Variants in KYNU observed in about 807,000 individuals in gnomAD.
The protein encoded by KYNU is kynureninase.
In KYNU, 54 loss-of-function variants were observed where a neutral mutation model predicts 59.2. The ratio of observed to expected loss-of-function variants is 0.91; its 90% CI spans 0.73 to 1.14. KYNU has a LOEUF of 1.14. Among genes scored for constraint, KYNU ranks in the 50% most tolerant of loss-of-function variants. The pLI is 0.00. For missense variants in KYNU, 567 were observed against 554.4 expected, an observed-to-expected ratio of 1.02 and a Z score of -0.23; for synonymous variants, 177 against 192.0, an observed-to-expected ratio of 0.92 and a Z score of 0.65.
intron 10 of KYNU, among the ~76,000 whole-genome samples, chr2:143,010,757 G>A (rs373807917): frequency 0.071 from 9,774 of 136,856 alleles, 320 homozygotes; most frequent in East Asian, 0.13. Flanking sequence ...AAATAATGCC[G>A]CATACCTACA....
In KYNU at chr2:143,054,897, G is replaced by T. The variant is rs1432219992; in HGVS notation, c.*12725G>T. The stretch of plus-strand genomic sequence containing the variant: ...GACTTGGTTGGGATCTTCATTCAAA[G>T]ACCAACTATAAAAAGACATTGTTGT... On this transcript the variant is annotated 3_prime_UTR_variant, in exon 14 of 14. Coordinates refer to ENST00000264170, the MANE Select transcript of KYNU (RefSeq NM_003937.3). 6.6e-6 allele frequency: 1 copy of T among 152,114 alleles called. No homozygotes were observed. Among genetic ancestry groups the T allele is most frequent in the African/African-American group, 2.4e-5 (1 of 41,424 alleles). The allele number at this position is 152,114 out of a possible 1,614,324, so 9.4% of individuals were successfully genotyped here. A position where few individuals can be genotyped will look rare whatever the true frequency, so the allele number is the denominator to read the frequency against.
At chr2:142,951,198 G>A (rs1246398320) in intron 4 of KYNU, among the ~76,000 whole-genome samples, 1 of 152,170 alleles carries the variant, frequency 6.6e-6, no homozygotes, top group Non-Finnish European at 1.5e-5. Flanking sequence ...TGGAAAAATG[G>A]CACTGATAAG....
At chr2:143,017,869 T>A (rs1686303006) in intron 10 of KYNU, among the ~76,000 whole-genome samples, 1 of 152,162 alleles carries the variant, frequency 6.6e-6, no homozygotes, top group Non-Finnish European at 1.5e-5. Context: ...ATGTCTTCTT[T>A]TGAGAAGCAT....
intron 8 of KYNU, among the ~76,000 whole-genome samples, chr2:142,971,661 G>A (rs896530221): frequency 6.6e-6 from 1 of 152,186 alleles, no homozygotes; most frequent in African/African-American, 2.4e-5. Context: ...ACAGATTCAT[G>A]TGCTTTGCAC....
At chr2:142,981,268 C>G (rs1685044353) in intron 8 of KYNU, among the ~76,000 whole-genome samples, 1 of 152,014 alleles carries the variant, frequency 6.6e-6, no homozygotes, top group African/African-American at 2.4e-5. Flanking sequence ...GCTGCTTTTT[C>G]TATTTCTTGA....
In KYNU at chr2:143,049,171, A is replaced by G. The variant is rs567602656; in HGVS notation, c.*6999A>G. The G allele has an allele frequency of 2.2e-4, 33 of 152,284 alleles. No homozygotes were observed. In the South Asian group the frequency reaches 6.6e-3, roughly 31 times the overall value. The allele number at this position is 152,284 out of a possible 1,614,324, so 9.4% of individuals were successfully genotyped here. A position where few individuals can be genotyped will look rare whatever the true frequency, so the allele number is the denominator to read the frequency against. ...CTCTCTCCTTTATGCCTTTAACTTC[A>G]TATTTTCTATTTCTTTGAATTTCTG... is the stretch of plus-strand genomic sequence containing the variant. On this transcript the variant is annotated 3_prime_UTR_variant, in exon 14 of 14. Coordinates refer to ENST00000264170, the MANE Select transcript of KYNU (RefSeq NM_003937.3).
At chr2:142,894,556 T>C (rs1011756532) in intron 2 of KYNU, among the ~76,000 whole-genome samples, 1 of 152,184 alleles carries the variant, frequency 6.6e-6, no homozygotes, top group African/African-American at 2.4e-5. Flanking sequence ...TTGCCAGCAC[T>C]TGGGAAAACT....
intron 4 of KYNU, among the ~76,000 whole-genome samples, chr2:142,944,305 C>T (rs1683703604): frequency 6.6e-6 from 1 of 152,160 alleles, no homozygotes; most frequent in Non-Finnish European, 1.5e-5. Context: ...TAAACATTAG[C>T]TTGCCAGTCT....
intron 10 of KYNU, among the ~76,000 whole-genome samples, chr2:143,005,993 G>A (rs1685871153): frequency 6.6e-6 from 1 of 152,158 alleles, no homozygotes; most frequent in Admixed American, 6.5e-5. Flanking sequence ...TAATGGCTCT[G>A]GGAGGAAATA....
intron 3 of KYNU, among the ~76,000 whole-genome samples, chr2:142,919,887 C>CA (rs912526508): frequency 2.0e-5 from 3 of 152,176 alleles, no homozygotes; most frequent in African/African-American, 7.2e-5. Context: ...GTCTGACCAA[C>CA]ATGGTGAAAC....
chr2:142,904,729 C>T (rs1174119106), intron 2 of KYNU, among the ~76,000 whole-genome samples: 1 of 152,048 alleles, frequency 6.6e-6, no homozygotes, highest in Non-Finnish European at 1.5e-5. Flanking sequence ...TTGCCAGCAC[C>T]CCTAGTCATT....
intron 10 of KYNU, chr2:142,989,985 A>G (rs1685349279): frequency 6.6e-6 from 1 of 151,992 alleles, no homozygotes; most frequent in East Asian, 1.9e-4. Context: ...TTCAAAACCT[A>G]TGACCTAAGG....
chr2:142,947,188 A>G, intron 4 of KYNU: 1 of 1,550,952 alleles, frequency 6.4e-7, no homozygotes, highest in South Asian at 1.2e-5. Context: ...GCTAACGCAG[A>G]CACCTCTGAG....
chr2:142,996,797 G>A (rs1685559466), intron 10 of KYNU, among the ~76,000 whole-genome samples: 1 of 152,106 alleles, frequency 6.6e-6, no homozygotes, highest in Non-Finnish European at 1.5e-5. Flanking sequence ...ACAAATTCAG[G>A]TCTCTTCACC....
intron 10 of KYNU, among the ~76,000 whole-genome samples, chr2:143,012,483 C>CAAAAAGCAA (rs1686134573): frequency 9.5e-6 from 1 of 104,998 alleles, no homozygotes; most frequent in African/African-American, 4.3e-5. Flanking sequence ...ACTCCATCTC[C>CAAAAAGCAA]AAAAAACAAA....
intron 8 of KYNU, among the ~76,000 whole-genome samples, chr2:142,982,171 G>A (rs528817597): frequency 5.9e-5 from 9 of 152,152 alleles, no homozygotes; most frequent in Admixed American, 5.9e-4. Flanking sequence ...AAAAAATCTA[G>A]TTTGGAGCAG....
chr2:142,885,654 T>C (rs897343381), intron 2 of KYNU, 118 bp downstream of exon 2: 6 of 982,860 alleles, frequency 6.1e-6, no homozygotes, highest in African/African-American at 3.3e-5. Flanking sequence ...GTTGCAATTA[T>C]GTTTGAAAAG....
At chr2:142,944,427 C>G (rs1683708092) in intron 4 of KYNU, among the ~76,000 whole-genome samples, 1 of 152,166 alleles carries the variant, frequency 6.6e-6, no homozygotes, top group South Asian at 2.1e-4. Context: ...GAGAAGCACT[C>G]TTTGGATTAG....
rs567975901 is a variant in KYNU, at chr2:142,927,758, G to T, written c.373+17G>T. 48 of 1,535,396 alleles carry T rather than the reference G, an allele frequency of 3.1e-5. No homozygotes were observed. Among genetic ancestry groups the T allele is most frequent in the Non-Finnish European group, 3.6e-5 (40 of 1,108,616 alleles). On this transcript the variant is annotated intron_variant, in intron 4 of 13. Transcript: ENST00000264170. ...ACATTGTAGGTAAGTACAAAACACTGAAGTTTTTCCAAATGAATTGTAAAG... is the reference window on the plus strand; with the variant it reads ...ACATTGTAGGTAAGTACAAAACACTTAAGTTTTTCCAAATGAATTGTAAAG...
Sources: allele counts gnomAD v4.1 joint callset (sites outside exome capture counted in the v4.1 genomes callset), GRCh38; gene constraint gnomAD v4.1.1; transcripts MANE v1.5; gene names NCBI Gene and HGNC (gene_info 2026-07-23, HGNC 2026-07-21).